Variants in MEIOB observed in about 807,000 individuals in gnomAD.
MEIOB encodes meiosis-specific with OB domain-containing protein.
A neutral mutation model predicts 53.1 loss-of-function variants in MEIOB; 50 were observed. The ratio of observed to expected loss-of-function variants is 0.94; its 90% CI spans 0.75 to 1.19. The LOEUF is 1.19. MEIOB is among the 50% of genes most tolerant of loss of function. The pLI is 0.00. For synonymous variants in MEIOB, 192 were observed against 182.5 expected (o/e 1.05, Z -0.42); for missense variants, 551 against 550.8 (o/e 1.00, Z 0.00).
chr16:1,844,043 T>C (rs1898974507), intron 10 of MEIOB, among the ~76,000 whole-genome samples: 1 of 152,076 alleles, frequency 6.6e-6, no homozygotes, highest in Non-Finnish European at 1.5e-5. Context: ...TCTATTAGTA[T>C]ATATGCACAA....
chr16:1,837,949 A>C, intron 12 of MEIOB, 79 bp from the exon 13 acceptor site: 2 of 1,450,224 alleles, frequency 1.4e-6, no homozygotes, highest in Non-Finnish European at 1.8e-6. Context: ...TGTGAAACAA[A>C]CTTTCTCATT....
intron 9 of MEIOB, among the ~76,000 whole-genome samples, chr16:1,849,259 A>G (rs1331590478): frequency 6.6e-6 from 1 of 151,950 alleles, no homozygotes; most frequent in Non-Finnish European, 1.5e-5. Flanking sequence ...TGTCTACTAA[A>G]AATACAAAAA....
intron 1 of MEIOB, among the ~76,000 whole-genome samples, chr16:1,871,134 C>G (rs1351421016): frequency 6.6e-6 from 1 of 152,084 alleles, no homozygotes; most frequent in Non-Finnish European, 1.5e-5. Flanking sequence ...TTAACAGATA[C>G]AAAATTAACA....
At chr16:1,852,786 C>T (rs1276097203) in intron 9 of MEIOB, among the ~76,000 whole-genome samples, 1 of 151,832 alleles carries the variant, frequency 6.6e-6, no homozygotes, top group African/African-American at 2.4e-5. Context: ...GAACTCCTGA[C>T]CTCAGGTGAT....
Position 1,862,980 on chromosome 16 carries a change from A to G in MEIOB, c.128-864T>C, listed in dbSNP as rs56785441. ...CACAACAGCTTACCCCTGTGATCCC[A>G]GGACTTTGGGAGGTGAGGTAGGAGA... On this transcript the variant is annotated intron_variant, in intron 3 of 13. Transcript: ENST00000325962. Among the ~76,000 whole-genome samples the G allele has an allele frequency of 2.7e-3, 410 of 151,976 alleles. 1 individual carries two copies. The highest frequency in any genetic ancestry group is 8.9e-3 in the African/African-American group (368 of 41,490).
chr16:1,861,937 A>G, intron 4 of MEIOB, 48 bp downstream of exon 4: 1 of 1,515,110 alleles, frequency 6.6e-7, no homozygotes, highest in Non-Finnish European at 8.9e-7. Flanking sequence ...AACATACCAC[A>G]GGAATAACAC....
chr16:1,869,507 G>A (rs1388674799), intron 1 of MEIOB, among the ~76,000 whole-genome samples: 3 of 151,882 alleles, frequency 2.0e-5, no homozygotes, highest in Admixed American at 6.6e-5. Context: ...GAGTGCAGTG[G>A]TGCAATCTCA....
chr16:1,851,933 C>A (rs902604606), intron 9 of MEIOB, among the ~76,000 whole-genome samples: 4 of 152,058 alleles, frequency 2.6e-5, no homozygotes, highest in African/African-American at 9.7e-5. Context: ...TATAAAGCAC[C>A]CTGGGAATGC....
intron 3 of MEIOB, among the ~76,000 whole-genome samples, chr16:1,863,337 A>G (rs1450533584): frequency 3.5e-5 from 5 of 144,142 alleles, no homozygotes; most frequent in African/African-American, 1.0e-4. Context: ...GCACACCACC[A>G]TGCCAGGCTA....
At chr16:1,857,048 C>T (rs1899326268) in intron 6 of MEIOB, among the ~76,000 whole-genome samples, 1 of 152,200 alleles carries the variant, frequency 6.6e-6, no homozygotes, top group South Asian at 2.1e-4. Flanking sequence ...AGGTGTAAGC[C>T]ACTGTGCCTG....
At chr16:1,862,694 G>A (rs28610155) in intron 3 of MEIOB, among the ~76,000 whole-genome samples, 18,981 of 152,004 alleles carry the variant, frequency 0.12, 1,204 homozygotes, top group East Asian at 0.16. Context: ...CCCGAGGCGG[G>A]TGGATCACCT....
At chr16:1,869,450 A>G (rs1657093) in intron 1 of MEIOB, among the ~76,000 whole-genome samples, 123,304 of 150,148 alleles carry the variant, frequency 0.82, 50,666 homozygotes, top group Middle Eastern at 0.87. Flanking sequence ...ATGATTCAAT[A>G]GGACATTTTT....
At chr16:1,861,344 T>G (rs902055995) in intron 4 of MEIOB, among the ~76,000 whole-genome samples, 5 of 152,150 alleles carry the variant, frequency 3.3e-5, no homozygotes, top group Non-Finnish European at 5.9e-5. Flanking sequence ...AGTGGTCAAA[T>G]GTCAACTTTT....
At position 1,868,156 on chromosome 16, in the gene MEIOB, G is replaced by C. The variant is rs79341666; in HGVS notation, c.20C>G (p.Ala7Gly). Reference protein sequence around the residue: MANSFAARIFTTLSDLQ... With the variant: MANSFAGRIFTTLSDLQ... ...ATCTGAAAGGGTAGTGAAAATCCTC[G>C]CTGCAAAGGAGTTTGCCATTTTTTT... The change falls in exon 2 of 14, where the codon GCG (alanine) becomes GGG (glycine). Residue 7 changes from alanine (A) to glycine (G), a missense_variant. Physicochemically the swap from Ala to Gly is moderately conservative, Grantham distance 60. Transcript: ENST00000325962. The C allele has an allele frequency of 2.7e-5, 42 of 1,529,540 alleles. 2 individuals carry two copies. The South Asian group carries it at 4.5e-4, about 16-fold the overall frequency. The allele number at this position is 1,529,540 out of a possible 1,614,324, so 94.7% of individuals were successfully genotyped here.
At position 1,846,884 on chromosome 16, in the gene MEIOB, T is replaced by C. The variant is rs1480669949; in HGVS notation, c.779-1921A>G. 3.3e-5 allele frequency among the ~76,000 whole-genome samples: 5 copies of C among 152,146 alleles called. No individual in the cohort carries two copies. In the East Asian group the frequency reaches 9.7e-4, roughly 29 times the overall value. ...TAAAACCTAGATGATGGGCTGGGCGTGGTGGTTCACGCCTATAATCCCAGC... is the reference window on the plus strand; with the variant it reads ...TAAAACCTAGATGATGGGCTGGGCGCGGTGGTTCACGCCTATAATCCCAGC... On this transcript the variant is annotated intron_variant, in intron 9 of 13. Coordinates refer to ENST00000325962, the MANE Select transcript of MEIOB (RefSeq NM_001163560.3).
chr16:1,869,703 G>A (rs544415173), intron 1 of MEIOB, among the ~76,000 whole-genome samples: 6 of 148,826 alleles, frequency 4.0e-5, no homozygotes, highest in East Asian at 2.0e-4. Context: ...CGCCCACCTC[G>A]GCCTCCCAAA....
At chr16:1,839,669 C>T (rs1898848616) in intron 11 of MEIOB, 1 of 448,020 alleles carries the variant, frequency 2.2e-6, no homozygotes, top group Non-Finnish European at 4.0e-6. Flanking sequence ...TGCCTGCCCT[C>T]CTTCCCTCCC....
intron 11 of MEIOB, chr16:1,839,663 TGCCCTCCTTCCCTCCCTCTGCCAA>T (rs1225655526): frequency 2.2e-6 from 1 of 460,054 alleles, no homozygotes; most frequent in Non-Finnish European, 3.9e-6. Flanking sequence ...GTCCTCTGCC[TGCCCTCCTTCCCTCCCTCTGCCAA>T]GCCCTCGAGG....
chr16:1,863,050 A>C (rs1899487074), intron 3 of MEIOB, among the ~76,000 whole-genome samples: 1 of 151,962 alleles, frequency 6.6e-6, no homozygotes, highest in African/African-American at 2.4e-5. Flanking sequence ...GCAACATAGA[A>C]GGACACCATC....
Sources: gnomAD v4.1 joint callset for allele counts (sites outside exome capture counted in the v4.1 genomes callset) on GRCh38, gnomAD v4.1.1 for gene constraint, MANE v1.5 for transcripts, NCBI Gene and HGNC (gene_info 2026-07-23, HGNC 2026-07-21) for gene names.